FRMD4B: variants seen among roughly 807,000 people sequenced by gnomAD.
FRMD4B encodes FERM domain-containing protein 4B.
In FRMD4B, 74 loss-of-function variants were observed where a neutral mutation model predicts 141.5. The observed-to-expected ratio is 0.52, with a 90% CI of 0.43 to 0.63. The LOEUF is 0.63. Among genes scored for constraint, FRMD4B ranks in the 30% least tolerant of loss-of-function variants. The probability of loss-of-function intolerance (pLI) is 0.00; values close to 1 mark genes in which losing one functional copy is unlikely to be tolerated. For synonymous variants in FRMD4B, 506 were observed against 467.9 expected, an observed-to-expected ratio of 1.08 and a Z score of -1.05; for missense variants, 1,366 against 1,253.4, an observed-to-expected ratio of 1.09 and a Z score of -1.36.
intron 1 of FRMD4B, among the ~76,000 whole-genome samples, chr3:69,380,069 G>A (rs866189897): frequency 1.3e-5 from 2 of 152,228 alleles, no homozygotes; most frequent in Admixed American, 1.3e-4. Flanking sequence ...GCCCACCAAT[G>A]TGGTGAGATC....
At chr3:69,434,694 C>G (rs1469658525) in intron 1 of FRMD4B, among the ~76,000 whole-genome samples, 1 of 152,166 alleles carries the variant, frequency 6.6e-6, no homozygotes, top group Non-Finnish European at 1.5e-5. Flanking sequence ...AAGCACTTGA[C>G]TCCACCTATA....
intron 5 of FRMD4B, among the ~76,000 whole-genome samples, chr3:69,260,209 C>T (rs1325320811): frequency 6.6e-6 from 1 of 152,178 alleles, no homozygotes; most frequent in Non-Finnish European, 1.5e-5. Context: ...TGTAGGAGCC[C>T]CTCTCTGGGT....
At chr3:69,375,716 A>AGCAT (rs1703955137) in intron 1 of FRMD4B, among the ~76,000 whole-genome samples, 1 of 152,224 alleles carries the variant, frequency 6.6e-6, no homozygotes, top group Non-Finnish European at 1.5e-5. Flanking sequence ...AGAGTCAGCT[A>AGCAT]GCATGCTATT....
At chr3:69,393,725 AAGTC>A (rs1379069244) in intron 2 of FRMD4B, among the ~76,000 whole-genome samples, 1 of 152,218 alleles carries the variant, frequency 6.6e-6, no homozygotes, top group Non-Finnish European at 1.5e-5. Context: ...ACAACAAAAA[AAGTC>A]ATAAATTGGT....
At chr3:69,476,230 G>C (rs2106962588) in intron 1 of FRMD4B, among the ~76,000 whole-genome samples, 1 of 151,970 alleles carries the variant, frequency 6.6e-6, no homozygotes, top group African/African-American at 2.4e-5. Flanking sequence ...TGTCAATTTT[G>C]GCTTTTGTTG....
intron 3 of FRMD4B, among the ~76,000 whole-genome samples, chr3:69,304,858 C>T (rs891610867): frequency 3.3e-5 from 5 of 152,088 alleles, no homozygotes; most frequent in Non-Finnish European, 7.4e-5. Flanking sequence ...GGCCAGAAGA[C>T]ATTTTCAAAC....
intron 5 of FRMD4B, among the ~76,000 whole-genome samples, chr3:69,265,593 G>A (rs1335288440): frequency 3.3e-5 from 5 of 150,710 alleles, no homozygotes; most frequent in Middle Eastern, 3.4e-3. Context: ...GACTATAGGC[G>A]CCCACCACCA....
At chr3:69,434,055 C>T (rs1232900459) in intron 1 of FRMD4B, among the ~76,000 whole-genome samples, 1 of 152,210 alleles carries the variant, frequency 6.6e-6, no homozygotes, top group Admixed American at 6.5e-5. Context: ...CTCTCCACAT[C>T]TTTCTTGTGT....
At chr3:69,343,271 AC>A (rs1702802913) in intron 1 of FRMD4B, among the ~76,000 whole-genome samples, 1 of 152,062 alleles carries the variant, frequency 6.6e-6, no homozygotes, top group South Asian at 2.1e-4. Flanking sequence ...AGTTTTAATT[AC>A]CCCCATCAGA....
At chr3:69,512,816 T>C (rs148929229) in intron 1 of FRMD4B, among the ~76,000 whole-genome samples, 162 of 152,100 alleles carry the variant, frequency 1.1e-3, no homozygotes, top group African/African-American at 3.3e-3. Flanking sequence ...AAGCAACCAA[T>C]GGGTCAAAAA....
intron 7 of FRMD4B, among the ~76,000 whole-genome samples, chr3:69,227,711 C>T (rs2093268286): frequency 6.6e-6 from 1 of 151,404 alleles, no homozygotes; most frequent in African/African-American, 2.4e-5. Context: ...AAAAAGTATT[C>T]TTAAAAAGAT....
chr3:69,492,180 G>C (rs1250050348), intron 1 of FRMD4B, among the ~76,000 whole-genome samples: 1 of 152,170 alleles, frequency 6.6e-6, no homozygotes, highest in Non-Finnish European at 1.5e-5. Flanking sequence ...ATGACCACAT[G>C]CAGAGTGAAA....
intron 3 of FRMD4B, chr3:69,310,344 A>G: frequency 2.5e-6 from 1 of 404,800 alleles, no homozygotes; most frequent in South Asian, 1.8e-5. Flanking sequence ...ACTGAAAAAT[A>G]TTTAAATTGG....
intron 1 of FRMD4B, among the ~76,000 whole-genome samples, chr3:69,461,389 C>A (rs1387070154): frequency 7.3e-6 from 1 of 136,884 alleles, no homozygotes; most frequent in South Asian, 2.3e-4. Context: ...TGAGACCCCC[C>A]CCATCTCTAA....
chr3:69,194,822 G>A (rs901975245), intron 16 of FRMD4B, among the ~76,000 whole-genome samples, 200 bp downstream of exon 16: 1 of 152,148 alleles, frequency 6.6e-6, no homozygotes, highest in East Asian at 1.9e-4. Flanking sequence ...CCTATGATTT[G>A]GGGAGTAAAT....
At chr3:69,433,451 A>G (rs1575801178) in intron 1 of FRMD4B, among the ~76,000 whole-genome samples, 1 of 152,174 alleles carries the variant, frequency 6.6e-6, no homozygotes, top group African/African-American at 2.4e-5. Flanking sequence ...GAAGTGGCAG[A>G]TGTGGTATCC....
chr3:69,450,403 C>T (rs899264838), intron 1 of FRMD4B, among the ~76,000 whole-genome samples: 17 of 152,002 alleles, frequency 1.1e-4, no homozygotes, highest in Admixed American at 7.2e-4. Flanking sequence ...GTGGGAGGAT[C>T]GCTTGAGCTC....
At chr3:69,379,421 G>A (rs1704056891) in intron 1 of FRMD4B, among the ~76,000 whole-genome samples, 1 of 152,118 alleles carries the variant, frequency 6.6e-6, no homozygotes, top group South Asian at 2.1e-4. Flanking sequence ...TGGGGCTACA[G>A]GCACACACCA....
At position 69,218,403 on chromosome 3, in the gene FRMD4B, C is replaced by T. The variant is rs192674952; in HGVS notation, c.732-24G>A. 6.9e-4 allele frequency: 776 copies of T among 1,117,232 alleles called. 4 individuals carry two copies. The East Asian group carries it at 0.01, about 15-fold the overall frequency. The allele number at this position is 1,117,232 out of a possible 1,614,324, so 69.2% of individuals were successfully genotyped here. On this transcript the variant is annotated intron_variant, in intron 9 of 22. Coordinates refer to ENST00000398540, the MANE Select transcript of FRMD4B (RefSeq NM_015123.3). ...ACCTATGGAAAATAAATATGTATCA[C>T]AATCTTATTAAAATAGTTAGAGGAC...
Sources: allele counts gnomAD v4.1 joint callset (sites outside exome capture counted in the v4.1 genomes callset), GRCh38; gene constraint gnomAD v4.1.1; transcripts MANE v1.5; gene names NCBI Gene and HGNC (gene_info 2026-07-23, HGNC 2026-07-21).